ITGA5: variants seen among roughly 807,000 people sequenced by gnomAD.
ITGA5 encodes integrin alpha-5.
Under a neutral mutation model 146.3 loss-of-function variants are expected in ITGA5, and 55 were observed. The observed-to-expected ratio is 0.38, with a 90% CI of 0.30 to 0.47. The LOEUF (loss-of-function observed/expected upper bound fraction) is 0.47. Among genes scored for constraint, ITGA5 ranks in the 20% least tolerant of loss-of-function variants. ITGA5 has a pLI of 0.99. For missense variants in ITGA5, 1,131 were observed against 1,329.0 expected (o/e 0.85, Z 2.32); for synonymous variants, 500 against 531.8 (o/e 0.94, Z 0.82).
Position 54,409,719 on chromosome 12 carries a change from C to T in ITGA5, c.350-122G>A. 1 of 628,840 alleles carries T rather than the reference C, an allele frequency of 1.6e-6. No individual in the cohort carries two copies. Among genetic ancestry groups the T allele is most frequent in the Non-Finnish European group, 2.8e-6 (1 of 359,094 alleles). The allele number at this position is 628,840 out of a possible 1,614,324, so 39.0% of individuals were successfully genotyped here. On this transcript the variant is annotated intron_variant, in intron 2 of 29. Coordinates refer to ENST00000293379, the MANE Select transcript of ITGA5 (RefSeq NM_002205.5). The surrounding 1 kb of genome is among the most constrained non-coding windows in gnomAD (Gnocchi z 4.7). ...CCAAGCCCTGAGACTCCATGACTCG[C>T]TGGGAGTGTGGAATTGGTAAGGAGC... is the stretch of plus-strand genomic sequence containing the variant.
intron 1 of ITGA5, among the ~76,000 whole-genome samples, chr12:54,417,343 A>G (rs1956019232): frequency 6.6e-6 from 1 of 151,980 alleles, no homozygotes; most frequent in African/African-American, 2.4e-5. Context: ...AGGAGACCTC[A>G]TCCCCTTCCT....
intron 25 of ITGA5, 36 bp from the exon 26 acceptor site, chr12:54,399,983 A>C: frequency 1.6e-5 from 24 of 1,485,636 alleles, no homozygotes; most frequent in Non-Finnish European, 2.1e-5. Context: ...TTCCCATCTC[A>C]TTACAGCTTC....
intron 1 of ITGA5, among the ~76,000 whole-genome samples, chr12:54,417,923 T>C (rs377530844): frequency 1.5e-4 from 23 of 152,234 alleles, no homozygotes; most frequent in Middle Eastern, 3.4e-3. Flanking sequence ...TTGCTTCCAC[T>C]CTAACTCCTG....
Position 54,408,667 on chromosome 12 carries a change from G to A in ITGA5, c.691+89C>T, listed in dbSNP as rs1380840551. On this transcript the variant is annotated intron_variant, in intron 6 of 29. Coordinates refer to ENST00000293379, the MANE Select transcript of ITGA5 (RefSeq NM_002205.5). The stretch of plus-strand genomic sequence containing the variant: ...CTTGAACCTGGGCAGCAGAGGTTGT[G>A]CCACTGCACTCCAGCCTGGGTGACA... 19 of 1,162,444 alleles carry A rather than the reference G, an allele frequency of 1.6e-5. No homozygotes were observed. The African/African-American group carries it at 2.7e-4, about 16-fold the overall frequency. 72.0% of individuals were successfully genotyped at this position (1,162,444 alleles called of 1,614,324 possible). A position where few individuals can be genotyped will look rare whatever the true frequency, so the allele number is the denominator to read the frequency against.
In ITGA5 at chr12:54,403,429, C is replaced by T. The variant is rs533508107; in HGVS notation, c.1777-105G>A. The stretch of plus-strand genomic sequence containing the variant: ...CCTTTGTCTGCTTAGGGCCCAATTC[C>T]GACCATCCTCATTGTTTCAGAGGCC... On this transcript the variant is annotated intron_variant, in intron 17 of 29. Coordinates refer to ENST00000293379, the MANE Select transcript of ITGA5 (RefSeq NM_002205.5). The surrounding 1 kb of genome is among the most constrained non-coding windows in gnomAD (Gnocchi z 4.9). 9.7e-5 allele frequency: 133 copies of T among 1,373,674 alleles called. No homozygotes were observed. The African/African-American group carries it at 1.7e-3, about 17-fold the overall frequency. 85.1% of individuals were successfully genotyped at this position (1,373,674 alleles called of 1,614,324 possible).
At chr12:54,407,468 A>C in intron 9 of ITGA5, 181 bp downstream of exon 9, 1 of 644,988 alleles carries the variant, frequency 1.6e-6, no homozygotes. Flanking sequence ...GTTCAGCAGG[A>C]AGCAGAGTAT....
At chr12:54,406,185 T>C (rs1384889417) in intron 9 of ITGA5, 2 of 550,220 alleles carry the variant, frequency 3.6e-6, no homozygotes, top group African/African-American at 3.8e-5. Context: ...TGTCCCTCTC[T>C]ACCCACTAGA....
chr12:54,405,441 T>C, intron 11 of ITGA5, 67 bp from the exon 12 acceptor site: 1 of 1,314,142 alleles, frequency 7.6e-7, no homozygotes, highest in African/African-American at 1.5e-5. Context: ...ATCCTAGTGC[T>C]AGAAATCCCG....
At position 54,401,466 on chromosome 12, in the gene ITGA5, A is replaced by G; in HGVS notation, c.2400T>C (p.Pro800=). 6.2e-7 allele frequency: 1 copy of G among 1,612,802 alleles called. No homozygotes were observed. The highest frequency in any genetic ancestry group is 1.3e-5 in the African/African-American group (1 of 74,688). The change falls in exon 24 of 30, where the codon CCT becomes CCC. Residue 800 remains proline, a synonymous_variant. Coordinates refer to ENST00000293379, the MANE Select transcript of ITGA5 (RefSeq NM_002205.5). This position sits in a 1 kb window ranked among gnomAD's most constrained non-coding sequence, Gnocchi z 5.0. The part of the protein sequence containing the change: ...AQVTLNGVSK[P]EAVLFPVSDW... The stretch of plus-strand genomic sequence containing the variant: ...CGCTTACTGGGAATAGCACTGCCTC[A>G]GGCTTGGAGACACTAAGGAGGAGGG...
Position 54,399,700 on chromosome 12 carries a change from T to C in ITGA5, c.2786A>G (p.Gln929Arg). The change falls in exon 27 of 30, where the codon CAA becomes CGA. Residue 929 changes from glutamine to arginine, a missense_variant. Transcript: ENST00000293379. ...LRCELGPLHQ[Q>R]ESQSLQLHFR... ...ATGCAACTGCAGACTTTGGCTCTCT[T>C]GTTGGTGCAGGGGCCCGAGCTCACA... The C allele has an allele frequency of 1.2e-6, 2 of 1,614,202 alleles. No homozygotes were observed. The highest frequency in any genetic ancestry group is 8.5e-7 in the Non-Finnish European group (1 of 1,180,028).
chr12:54,403,982 G>A lies in ITGA5; in HGVS notation c.1566-16C>T, dbSNP rs368455670. The A allele has an allele frequency of 5.0e-6, 8 of 1,613,970 alleles. No individual in the cohort carries two copies. Among genetic ancestry groups the A allele is most frequent in the Non-Finnish European group, 5.9e-6 (7 of 1,179,874 alleles). On this transcript the variant is annotated splice_polypyrimidine_tract_variant and intron_variant, in intron 15 of 29. Coordinates refer to ENST00000293379, the MANE Select transcript of ITGA5 (RefSeq NM_002205.5). This position sits in a 1 kb window ranked among gnomAD's most constrained non-coding sequence, Gnocchi z 4.9. ...AAGGTTGATGCTGGAGAGAGACCAAGAAGAAAGCTGGTGAATCCAACTGGA... is the reference window on the plus strand; with the variant it reads ...AAGGTTGATGCTGGAGAGAGACCAAAAAGAAAGCTGGTGAATCCAACTGGA...
Position 54,403,984 on chromosome 12 carries a change from A to C in ITGA5, c.1566-18T>G. On this transcript the variant is annotated intron_variant, in intron 15 of 29. Transcript: ENST00000293379. This position sits in a 1 kb window ranked among gnomAD's most constrained non-coding sequence, Gnocchi z 4.9. ...GGTTGATGCTGGAGAGAGACCAAGAAGAAAGCTGGTGAATCCAACTGGAAC... is the reference window on the plus strand; with the variant it reads ...GGTTGATGCTGGAGAGAGACCAAGACGAAAGCTGGTGAATCCAACTGGAAC... 6.2e-7 allele frequency: 1 copy of C among 1,613,956 alleles called. No homozygotes were observed. Among genetic ancestry groups the C allele is most frequent in the Admixed American group, 1.7e-5 (1 of 60,032 alleles).
chr12:54,400,232 G>C, intron 25 of ITGA5: 1 of 434,088 alleles, frequency 2.3e-6, no homozygotes, highest in Admixed American at 3.7e-5. Flanking sequence ...GCTCATCCCT[G>C]AGTCTTATAG....
chr12:54,415,723 T>C (rs1955998964), intron 1 of ITGA5, among the ~76,000 whole-genome samples: 1 of 152,202 alleles, frequency 6.6e-6, no homozygotes, highest in Non-Finnish European at 1.5e-5. Flanking sequence ...GAGCAGCAAG[T>C]GGACCAGCGC....
Position 54,401,979 on chromosome 12 carries a change from T to A in ITGA5, c.2226+22A>T, listed in dbSNP as rs1311892760. 2 of 1,612,426 alleles carry A rather than the reference T, an allele frequency of 1.2e-6. No individual in the cohort carries two copies. Among genetic ancestry groups the A allele is most frequent in the Non-Finnish European group, 1.7e-6 (2 of 1,178,614 alleles). On this transcript the variant is annotated intron_variant, in intron 21 of 29. Transcript: ENST00000293379. The surrounding 1 kb of genome is among the most constrained non-coding windows in gnomAD (Gnocchi z 5.0). ...TCAGGTCTGCTCTCCCTCTGTCCCA[T>A]CCTCTTTCATCCCAAACTTACACTG...
In ITGA5 at chr12:54,409,082, A is replaced by C. The variant is rs1234021059; in HGVS notation, c.584-128T>G. 2.2e-5 allele frequency: 31 copies of C among 1,406,972 alleles called. 1 individual carries two copies. The South Asian group carries it at 3.8e-4, about 17-fold the overall frequency. The allele number at this position is 1,406,972 out of a possible 1,614,324, so 87.2% of individuals were successfully genotyped here. On this transcript the variant is annotated intron_variant, in intron 4 of 29. Transcript: ENST00000293379. The surrounding 1 kb of genome is among the most constrained non-coding windows in gnomAD (Gnocchi z 4.7). ...GGCCTTCCTGGACCAGACAGTAAGCATAAAGGCTAACGAACTGGGTTAGCC... is the reference window on the plus strand; with the variant it reads ...GGCCTTCCTGGACCAGACAGTAAGCCTAAAGGCTAACGAACTGGGTTAGCC...
At position 54,404,729 on chromosome 12, in the gene ITGA5, C is replaced by T. The variant is rs181020771; in HGVS notation, c.1391G>A (p.Arg464Gln). 3.9e-5 allele frequency: 63 copies of T among 1,614,052 alleles called. No homozygotes were observed. In the East Asian group the frequency reaches 7.1e-4, roughly 18 times the overall value. Residue 464 changes from arginine to glutamine, a missense_variant, in exon 13 of 30, where the codon CGA becomes CAA. Coordinates refer to ENST00000293379, the MANE Select transcript of ITGA5 (RefSeq NM_002205.5). ...AGGATATCCATTGCCATCCAGGTCT[C>T]GGCCTCCTCGAAGGGCAGAGCCAAA... The part of the protein sequence containing the change: ...DFFGSALRGG[R>Q]DLDGNGYPDL...
rs753032812 is a variant in ITGA5, at chr12:54,401,409, C to T, written c.2457G>A (p.Glu819=). 25 of 1,614,076 alleles carry T rather than the reference C, an allele frequency of 1.5e-5. 1 individual carries two copies. In the South Asian group the frequency reaches 2.1e-4, roughly 13 times the overall value. Residue 819 remains glutamate (E), a synonymous_variant, in exon 24 of 30, where the codon GAG becomes GAA. Transcript: ENST00000293379. This position sits in a 1 kb window ranked among gnomAD's most constrained non-coding sequence, Gnocchi z 5.0. The part of the protein sequence containing the change: ...DWHPRDQPQK[E]EDLGPAVHHV... ...GGTGGACAGCAGGTCCCAGGTCCTC[C>T]TCCTTCTGAGGCTGGTCTCGGGGAT...
intron 6 of ITGA5, 52 bp downstream of exon 6, chr12:54,408,704 C>T (rs1220387390): frequency 4.4e-5 from 61 of 1,382,774 alleles, no homozygotes; most frequent in East Asian, 1.5e-4. Flanking sequence ...AGTGAGACTT[C>T]GTCTCAAAAA....
Sources: gnomAD v4.1 joint callset for allele counts (sites outside exome capture counted in the v4.1 genomes callset) on GRCh38, gnomAD v4.1.1 for gene constraint, Gnocchi (gnomAD v3.1) non-coding constraint, MANE v1.5 for transcripts, NCBI Gene and HGNC (gene_info 2026-07-23, HGNC 2026-07-21) for gene names.